Variants in SCFD1 observed in about 807,000 individuals in gnomAD.
SCFD1 encodes the protein sec1 family domain-containing protein 1.
SCFD1 carries 37 observed loss-of-function variants against 103.2 expected under a neutral mutation model. The ratio of observed to expected loss-of-function variants is 0.36; its 90% confidence interval spans 0.28 to 0.47. SCFD1 has a LOEUF of 0.47. Ranked by LOEUF, SCFD1 falls within the 20% of genes least tolerant of loss-of-function variation. The pLI is 1.00. For synonymous variants in SCFD1, 264 were observed against 245.0 expected (o/e 1.08, Z -0.73); for missense variants, 639 against 761.2 (o/e 0.84, Z 1.89).
intron 20 of SCFD1, among the ~76,000 whole-genome samples, chr14:30,716,435 G>T (rs1303640331): frequency 6.6e-6 from 1 of 152,178 alleles, no homozygotes; most frequent in East Asian, 1.9e-4. Flanking sequence ...AATTGACAAT[G>T]AAATCATTGG....
At chr14:30,625,647 G>T (rs1271274282) in intron 1 of SCFD1, among the ~76,000 whole-genome samples, 1 of 149,350 alleles carries the variant, frequency 6.7e-6, no homozygotes, top group Non-Finnish European at 1.5e-5. Flanking sequence ...AGGCATATAG[G>T]TATACCTATA....
In SCFD1 at chr14:30,657,583, TTAAC is replaced by T. The variant is rs138029155; in HGVS notation, c.855+3998_855+4001del. Among the ~76,000 whole-genome samples, 413 of 152,312 alleles carry T rather than the reference TTAAC, an allele frequency of 2.7e-3. 2 individuals carry two copies. Among genetic ancestry groups the T allele is most frequent in the Admixed American group, 4.7e-3 (72 of 15,300 alleles). On this transcript the variant is annotated intron_variant, in intron 10 of 24. Transcript: ENST00000458591. ...GAATCTTTGAAGAGGTTGGTTATAA[TTAAC>T]TATGCAACTTAAAATGACTTAATTC... is the stretch of plus-strand genomic sequence containing the variant.
At chr14:30,627,796 T>C in intron 1 of SCFD1, among the ~76,000 whole-genome samples, 4 of 95,340 alleles carry the variant, frequency 4.2e-5, no homozygotes, top group South Asian at 3.8e-4. Context: ...ACTAGGCCAC[T>C]CACACTTAAA....
intron 14 of SCFD1, chr14:30,683,111 G>A: frequency 7.8e-7 from 1 of 1,281,762 alleles, no homozygotes; most frequent in Non-Finnish European, 1.1e-6. Flanking sequence ...AAGCTGTGGG[G>A]TTTTTCCAGG....
chr14:30,637,670 T>A (rs1274537591), intron 4 of SCFD1, among the ~76,000 whole-genome samples: 1 of 152,208 alleles, frequency 6.6e-6, no homozygotes, highest in Non-Finnish European at 1.5e-5. Context: ...TAAATTGCAC[T>A]ACTTTTGAGC....
intron 2 of SCFD1, 103 bp downstream of exon 2, chr14:30,628,382 G>A (rs1883746533): frequency 1.5e-6 from 1 of 687,772 alleles, no homozygotes; most frequent in East Asian, 2.7e-5. Context: ...ACACATATTA[G>A]TTATCATGAA....
intron 19 of SCFD1, among the ~76,000 whole-genome samples, chr14:30,708,590 C>G (rs943888990): frequency 6.6e-6 from 1 of 152,072 alleles, no homozygotes; most frequent in Non-Finnish European, 1.5e-5. Flanking sequence ...TATTTACCAT[C>G]AGGTTGTTGA....
At chr14:30,664,793 C>T (rs1887781667) in intron 10 of SCFD1, among the ~76,000 whole-genome samples, 1 of 151,990 alleles carries the variant, frequency 6.6e-6, no homozygotes, top group Non-Finnish European at 1.5e-5. Context: ...GAAAGAGTAT[C>T]AATGATTGAA....
Position 30,694,570 on chromosome 14 carries a change from C to T in SCFD1, c.1243-203C>T, listed in dbSNP as rs573090774. The stretch of plus-strand genomic sequence containing the variant: ...ACACATACCTGTGGTCTCAGCTACT[C>T]GGGAGACTGGGTTAGGAATGAGCCT... On this transcript the variant is annotated intron_variant, in intron 14 of 24. Transcript: ENST00000458591. Among the ~76,000 whole-genome samples the T allele has an allele frequency of 9.9e-5, 15 of 152,016 alleles. No homozygotes were observed. In the South Asian group the frequency reaches 2.5e-3, roughly 25 times the overall value.
chr14:30,669,392 C>T (rs1287969243), intron 10 of SCFD1, among the ~76,000 whole-genome samples: 2 of 151,938 alleles, frequency 1.3e-5, no homozygotes, highest in African/African-American at 4.8e-5. Context: ...TTTCACTATT[C>T]TTTAGTTGGC....
intron 9 of SCFD1, among the ~76,000 whole-genome samples, chr14:30,651,300 A>T (rs1886370440): frequency 6.6e-6 from 1 of 152,162 alleles, no homozygotes; most frequent in African/African-American, 2.4e-5. Context: ...AAATAAACAG[A>T]TGCCCAGAGA....
chr14:30,670,611 G>A (rs1031662065), intron 11 of SCFD1, among the ~76,000 whole-genome samples: 1 of 151,874 alleles, frequency 6.6e-6, no homozygotes, highest in Non-Finnish European at 1.5e-5. Context: ...TATAGGGACC[G>A]CTTCTCCTTT....
intron 10 of SCFD1, 189 bp downstream of exon 10, chr14:30,653,777 A>G (rs966219305): frequency 1.1e-5 from 5 of 437,838 alleles, no homozygotes; most frequent in Non-Finnish European, 2.0e-5. Flanking sequence ...ATTAAAGTTT[A>G]GTTTCAAATT....
intron 17 of SCFD1, 53 bp downstream of exon 17, chr14:30,702,428 G>C (rs1287369071): frequency 9.0e-7 from 1 of 1,105,690 alleles, no homozygotes; most frequent in East Asian, 2.5e-5. Flanking sequence ...TACAATTGAG[G>C]CTTCATTCCC....
At chr14:30,714,191 C>CAAA (rs11439842) in intron 19 of SCFD1, among the ~76,000 whole-genome samples, 5 of 143,310 alleles carry the variant, frequency 3.5e-5, no homozygotes, top group African/African-American at 1.0e-4. Context: ...ACTAAAAATA[C>CAAA]AAAAAAAAAA....
In SCFD1 at chr14:30,630,825, T is replaced by C. The variant is rs563025317; in HGVS notation, c.221+260T>C. 3.7e-5 allele frequency: 13 copies of C among 352,208 alleles called. 1 individual carries two copies. The South Asian group carries it at 4.8e-4, about 13-fold the overall frequency. 21.8% of individuals were successfully genotyped at this position (352,208 alleles called of 1,614,324 possible). On this transcript the variant is annotated intron_variant, in intron 3 of 24. Coordinates refer to ENST00000458591, the MANE Select transcript of SCFD1 (RefSeq NM_016106.4). The stretch of plus-strand genomic sequence containing the variant: ...GAAAAGAACTAGTAATCTTAAGGTC[T>C]CTTCCAGCTCTAAAAGTGTTTTGTT...
intron 23 of SCFD1, among the ~76,000 whole-genome samples, chr14:30,727,311 G>A (rs117031820): frequency 0.019 from 2,958 of 152,234 alleles, 53 homozygotes; most frequent in Middle Eastern, 0.034. Context: ...CTGTGACTTC[G>A]TTGTTCAACA....
At chr14:30,649,760 A>C (rs1014311844) in intron 8 of SCFD1, among the ~76,000 whole-genome samples, 177 bp downstream of exon 8, 2 of 152,178 alleles carry the variant, frequency 1.3e-5, no homozygotes, top group African/African-American at 4.8e-5. Context: ...GTAATCATTT[A>C]TTTCCACACG....
intron 18 of SCFD1, chr14:30,707,782 T>C (rs1393793041): frequency 6.4e-6 from 4 of 620,440 alleles, no homozygotes; most frequent in Non-Finnish European, 1.2e-5. Context: ...ATCAGAGTAT[T>C]TTAATTACTA....
Sources: allele counts gnomAD v4.1 joint callset (sites outside exome capture counted in the v4.1 genomes callset), GRCh38; gene constraint gnomAD v4.1.1; transcripts MANE v1.5; gene names NCBI Gene and HGNC (gene_info 2026-07-23, HGNC 2026-07-21).